Variants in RIPOR2 observed in about 807,000 individuals in gnomAD.
RIPOR2 encodes RHO family interacting cell polarization regulator 2, also known as rho family-interacting cell polarization regulator 2.
A neutral mutation model predicts 114.5 loss-of-function variants in RIPOR2; 39 were observed. The ratio of observed to expected loss-of-function variants is 0.34; its 90% CI spans 0.26 to 0.44. RIPOR2 has a LOEUF of 0.44. Among genes scored for constraint, RIPOR2 ranks in the 20% least tolerant of loss-of-function variants. RIPOR2 has a pLI of 1.00. For missense variants in RIPOR2, 1,007 were observed against 1,255.1 expected, an observed-to-expected ratio of 0.80 and a Z score of 2.99; for synonymous variants, 445 against 484.4, an observed-to-expected ratio of 0.92 and a Z score of 1.07.
rs540061187 is a variant in RIPOR2 at position 24,972,096 on chromosome 6, G to A, written c.76+69755C>T. On this transcript the variant is annotated intron_variant, in intron 1 of 13. Transcript: ENST00000510784. ...TATCTTTACTTGATAGAACCAAAAC[G>A]TTTCTATCCTTTAATTGCCTTTACT... Among the ~76,000 whole-genome samples the A allele has an allele frequency of 7.2e-5, 11 of 152,196 alleles. No individual in the cohort carries two copies. The East Asian group carries it at 2.1e-3, about 29-fold the overall frequency.
intron 1 of RIPOR2, among the ~76,000 whole-genome samples, chr6:24,918,093 G>A (rs560981420): frequency 2.0e-5 from 3 of 152,186 alleles, no homozygotes; most frequent in Non-Finnish European, 4.4e-5. Flanking sequence ...TGATGTCCAG[G>A]TGGGTCTAGC....
At position 24,902,478 on chromosome 6, in the gene RIPOR2, A is replaced by G. The variant is rs571261413; in HGVS notation, c.62-26661T>C. On this transcript the variant is annotated intron_variant, in intron 1 of 21. Coordinates refer to ENST00000643898, the MANE Select transcript of RIPOR2 (RefSeq NM_001286445.3). Reference sequence around the variant, plus strand: ...GCGATCCACTCGCCTCAGCCTCCCAAAGTGTAGGGATTACACGCGCAAGCC... The same window carrying G: ...GCGATCCACTCGCCTCAGCCTCCCAGAGTGTAGGGATTACACGCGCAAGCC... 2.6e-5 allele frequency among the ~76,000 whole-genome samples: 4 copies of G among 152,128 alleles called. No homozygotes were observed. The East Asian group carries it at 7.7e-4, about 29-fold the overall frequency.
chr6:25,011,238 T>C (rs1006620845), intron 1 of RIPOR2, among the ~76,000 whole-genome samples: 5 of 152,264 alleles, frequency 3.3e-5, no homozygotes, highest in Admixed American at 2.0e-4. Flanking sequence ...ATTGGGTTTA[T>C]ATATATGTCC....
intron 1 of RIPOR2, among the ~76,000 whole-genome samples, chr6:24,930,481 G>C (rs150037666): frequency 6.6e-6 from 1 of 152,216 alleles, no homozygotes; most frequent in African/African-American, 2.4e-5. Context: ...CATAAATCAG[G>C]GGGGTGGACT....
At position 24,819,234 on chromosome 6, in the gene RIPOR2, G is replaced by A. The variant is rs1759447561; in HGVS notation, c.2869-609C>T. ...GGAACTGAAGAGAAGAAATGTATTA[G>A]GTCCCATAAGAAATCTACAAGGTAA... On this transcript the variant is annotated intron_variant, in intron 19 of 21. Transcript: ENST00000643898. 2.6e-5 allele frequency among the ~76,000 whole-genome samples: 4 copies of A among 152,048 alleles called. No individual in the cohort carries two copies. In the South Asian group the frequency reaches 8.3e-4, roughly 32 times the overall value.
intron 1 of RIPOR2, among the ~76,000 whole-genome samples, chr6:25,029,420 A>AAG (rs1389646854): frequency 6.6e-6 from 1 of 150,926 alleles, no homozygotes; most frequent in Non-Finnish European, 1.5e-5. Flanking sequence ...AGAAAAAAAA[A>AAG]AAAAAAAAAA....
intron 1 of RIPOR2, among the ~76,000 whole-genome samples, chr6:25,041,406 A>C (rs1346094406): frequency 6.6e-6 from 1 of 152,236 alleles, no homozygotes; most frequent in Non-Finnish European, 1.5e-5. Context: ...CCTTTAAAGG[A>C]AATATGACTC....
At chr6:24,971,880 G>A (rs747214033) in intron 1 of RIPOR2, among the ~76,000 whole-genome samples, 12 of 68,154 alleles carry the variant, frequency 1.8e-4, no homozygotes, top group Non-Finnish European at 4.9e-4. Context: ...CTTGCCAAGT[G>A]TCAAATTCTT....
intron 8 of RIPOR2, among the ~76,000 whole-genome samples, chr6:24,853,441 T>C (rs1182009276): frequency 9.8e-5 from 15 of 152,326 alleles, no homozygotes; most frequent in Non-Finnish European, 2.2e-4. Context: ...GCCGGCTATA[T>C]GTAAGGGTCT....
At chr6:24,860,209 T>C (rs1241468269) in intron 8 of RIPOR2, among the ~76,000 whole-genome samples, 1 of 152,286 alleles carries the variant, frequency 6.6e-6, no homozygotes, top group East Asian at 1.9e-4. Context: ...ATAGTTAGTT[T>C]GCTAGAAACA....
At chr6:24,937,498 A>G (rs1370953545), upstream of RIPOR2, among the ~76,000 whole-genome samples, 1 of 152,046 alleles carries the variant, frequency 6.6e-6, no homozygotes, top group Non-Finnish European at 1.5e-5. Flanking sequence ...ACCACCCCCT[A>G]CCATGATCCC....
At chr6:24,850,982 G>A (rs1198359151) in intron 9 of RIPOR2, among the ~76,000 whole-genome samples, 1 of 150,650 alleles carries the variant, frequency 6.6e-6, no homozygotes, top group African/African-American at 2.4e-5. Context: ...TGCAACCTCC[G>A]CCTCCAGGGT....
chr6:24,907,379 C>G (rs1029014891), intron 1 of RIPOR2, among the ~76,000 whole-genome samples: 5 of 152,158 alleles, frequency 3.3e-5, no homozygotes, highest in African/African-American at 2.4e-5. Context: ...ATAGTGTTCC[C>G]GGTTTCCTTA....
chr6:24,805,669 C>G lies in RIPOR2; in HGVS notation c.*704G>C, dbSNP rs538126159. ...AGGGGACTACTCAACCCTGAGAACA[C>G]GACCGAGAAAAACTGCAAGGCATAT... On this transcript the variant is annotated 3_prime_UTR_variant, in exon 22 of 22. Transcript: ENST00000643898. 6.6e-6 allele frequency: 1 copy of G among 151,974 alleles called. No individual in the cohort carries two copies. Among genetic ancestry groups the G allele is most frequent in the African/African-American group, 2.4e-5 (1 of 41,358 alleles). 9.4% of individuals were successfully genotyped at this position (151,974 alleles called of 1,614,324 possible).
At chr6:24,963,051 T>C (rs1669428945) in intron 1 of RIPOR2, among the ~76,000 whole-genome samples, 1 of 152,210 alleles carries the variant, frequency 6.6e-6, no homozygotes. Context: ...GTTTTTGTTT[T>C]TTTGAGACAG....
At chr6:24,855,023 CAA>C (rs71310727) in intron 8 of RIPOR2, among the ~76,000 whole-genome samples, 1 of 54,506 alleles carries the variant, frequency 1.8e-5, no homozygotes, top group African/African-American at 6.8e-5. Context: ...AACTCCGTCT[CAA>C]AAAAAAAAAA....
At chr6:24,846,569 G>C (rs1231733363) in intron 12 of RIPOR2, among the ~76,000 whole-genome samples, 1 of 152,036 alleles carries the variant, frequency 6.6e-6, no homozygotes, top group Non-Finnish European at 1.5e-5. Context: ...GCCTCACAAG[G>C]TGCTGGGATT....
chr6:24,954,455 C>CTTTTT (rs372356246), intron 1 of RIPOR2, among the ~76,000 whole-genome samples: 34,763 of 114,794 alleles, frequency 0.3, 6,930 homozygotes, highest in Non-Finnish European at 0.34. Flanking sequence ...GTCTCTCTCT[C>CTTTTT]CTTTTTTTTT....
intron 1 of RIPOR2, among the ~76,000 whole-genome samples, chr6:24,900,036 C>T (rs564954190): frequency 3.3e-5 from 5 of 152,184 alleles, no homozygotes; most frequent in East Asian, 1.9e-4. Flanking sequence ...GTCTCATCAA[C>T]GCCTTGGTAT....
Sources: allele counts gnomAD v4.1 joint callset (sites outside exome capture counted in the v4.1 genomes callset), GRCh38; gene constraint gnomAD v4.1.1; transcripts MANE v1.5; gene names NCBI Gene and HGNC (gene_info 2026-07-23, HGNC 2026-07-21).